RNF38: variants seen among roughly 807,000 people sequenced by gnomAD.
RNF38 encodes the protein E3 ubiquitin-protein ligase RNF38.
A neutral mutation model predicts 67.2 loss-of-function variants in RNF38; 15 were observed. The ratio of observed to expected loss-of-function variants is 0.22; its 90% CI spans 0.15 to 0.34. The LOEUF is 0.34. Ranked by LOEUF, RNF38 falls within the 10% of genes least tolerant of loss-of-function variation. RNF38 has a pLI of 1.00. For synonymous variants in RNF38, 220 were observed against 218.8 expected, an observed-to-expected ratio of 1.01 and a Z score of -0.05; for missense variants, 524 against 639.9, an observed-to-expected ratio of 0.82 and a Z score of 1.95.
chr9:36,441,797 C>CA (rs1446706561), intron 1 of RNF38, among the ~76,000 whole-genome samples: 6 of 152,152 alleles, frequency 3.9e-5, no homozygotes, highest in Non-Finnish European at 8.8e-5. Context: ...TATGACACCT[C>CA]AAGTCCATCT....
chr9:36,346,582 T>C (rs1833257129), intron 9 of RNF38, among the ~76,000 whole-genome samples: 2 of 152,204 alleles, frequency 1.3e-5, no homozygotes, highest in African/African-American at 4.8e-5. Flanking sequence ...GTCTGCCTTT[T>C]GTGGACTGCT....
At chr9:36,340,722 G>A (rs1414772007) in intron 11 of RNF38, among the ~76,000 whole-genome samples, 1 of 152,180 alleles carries the variant, frequency 6.6e-6, no homozygotes, top group Non-Finnish European at 1.5e-5. Context: ...TAGTGGTACC[G>A]AGGAAAGCTT....
At chr9:36,459,512 T>A (rs1028805040) in intron 1 of RNF38, among the ~76,000 whole-genome samples, 1 of 152,210 alleles carries the variant, frequency 6.6e-6, no homozygotes, top group African/African-American at 2.4e-5. Flanking sequence ...ATAAATCCAT[T>A]ATCACAATTT....
intron 2 of RNF38, among the ~76,000 whole-genome samples, chr9:36,387,869 A>G (rs1836762604): frequency 6.6e-6 from 1 of 152,086 alleles, no homozygotes; most frequent in South Asian, 2.1e-4. Flanking sequence ...TAATAGCATT[A>G]AAAAACAAAA....
intron 1 of RNF38, among the ~76,000 whole-genome samples, chr9:36,472,456 G>A (rs1003931047): frequency 7.2e-5 from 11 of 152,166 alleles, no homozygotes; most frequent in African/African-American, 2.2e-4. Flanking sequence ...TTTCATGTGT[G>A]GTCCAAGACA....
intron 2 of RNF38, 111 bp from the exon 3 acceptor site, chr9:36,376,238 C>G: frequency 1.3e-6 from 1 of 794,834 alleles, no homozygotes; most frequent in Admixed American, 3.6e-5. Context: ...AAATGTAAAG[C>G]GGGGAAAAAA....
chr9:36,390,619 GGGAAAAAGA>G lies in RNF38; in HGVS notation c.13-12_13-4del. Reference sequence around the variant, plus strand: ...GCTGAATTGGCCCCGGGAGATATCTGGGAAAAAGAGGAAGAAAAGGATAGTTCATGGCTA... The same window carrying G: ...GCTGAATTGGCCCCGGGAGATATCTGGGAAGAAAAGGATAGTTCATGGCTA... On this transcript the variant is annotated splice_polypyrimidine_tract_variant and splice_region_variant and intron_variant, in intron 1 of 11. Coordinates refer to ENST00000259605, the MANE Select transcript of RNF38 (RefSeq NM_022781.5). 6.2e-7 allele frequency: 1 copy of G among 1,613,374 alleles called. No individual in the cohort carries two copies. The highest frequency in any genetic ancestry group is 8.5e-7 in the Non-Finnish European group (1 of 1,179,672).
intron 1 of RNF38, among the ~76,000 whole-genome samples, chr9:36,479,133 G>A (rs1840190239): frequency 6.6e-6 from 1 of 152,152 alleles, no homozygotes; most frequent in Non-Finnish European, 1.5e-5. Context: ...ACTGTCTCCA[G>A]ATGATTTTTA....
intron 1 of RNF38, among the ~76,000 whole-genome samples, chr9:36,441,919 T>A (rs967778253): frequency 1.3e-5 from 2 of 152,234 alleles, no homozygotes; most frequent in African/African-American, 4.8e-5. Context: ...ACTTCCAAAC[T>A]GATTTACAGT....
chr9:36,419,723 T>C (rs138728935), intron 2 of RNF38, among the ~76,000 whole-genome samples: 67 of 152,194 alleles, frequency 4.4e-4, no homozygotes, highest in African/African-American at 1.4e-3. Flanking sequence ...TTGGGAAGGC[T>C]GAGGTGGGAG....
chr9:36,346,049 ATTTT>A (rs1833207558), intron 9 of RNF38, among the ~76,000 whole-genome samples: 1 of 152,202 alleles, frequency 6.6e-6, no homozygotes, highest in South Asian at 2.1e-4. Context: ...TAATATTCTT[ATTTT>A]ATCATTCTTC....
intron 11 of RNF38, among the ~76,000 whole-genome samples, chr9:36,341,755 C>T (rs1832848172): frequency 6.6e-6 from 1 of 151,320 alleles, no homozygotes; most frequent in South Asian, 2.1e-4. Context: ...TGTACCGCTG[C>T]ACTCCAGACT....
At chr9:36,374,547 T>G (rs1243581537) in intron 3 of RNF38, among the ~76,000 whole-genome samples, 1 of 152,180 alleles carries the variant, frequency 6.6e-6, no homozygotes, top group Non-Finnish European at 1.5e-5. Context: ...CGGTCTTGGC[T>G]CACTGCAACC....
At chr9:36,374,776 C>T (rs571645805) in intron 3 of RNF38, among the ~76,000 whole-genome samples, 9 of 152,322 alleles carry the variant, frequency 5.9e-5, no homozygotes, top group Admixed American at 2.0e-4. Flanking sequence ...GCCACCCCGG[C>T]GCATTGCTTC....
At chr9:36,387,894 A>G (rs1300932645) in intron 2 of RNF38, among the ~76,000 whole-genome samples, 1 of 152,138 alleles carries the variant, frequency 6.6e-6, no homozygotes, top group Non-Finnish European at 1.5e-5. Context: ...AACAAAACAA[A>G]AAAAACAGGA....
At chr9:36,358,006 T>A in intron 4 of RNF38, 64 bp from the exon 5 acceptor site, 1 of 1,406,116 alleles carries the variant, frequency 7.1e-7, no homozygotes, top group Admixed American at 1.8e-5. Context: ...CTATTCAAAA[T>A]CAACATTTGG....
intron 2 of RNF38, among the ~76,000 whole-genome samples, chr9:36,383,585 T>C (rs558279132): frequency 1.4e-4 from 21 of 152,326 alleles, no homozygotes; most frequent in African/African-American, 4.8e-4. Flanking sequence ...TCATTTCACA[T>C]AGGACTTTCA....
At chr9:36,367,713 C>T (rs563683564) in intron 4 of RNF38, among the ~76,000 whole-genome samples, 2 of 152,068 alleles carry the variant, frequency 1.3e-5, no homozygotes, top group South Asian at 4.1e-4. Context: ...CAACAGCTTT[C>T]TTTTGTTGTA....
intron 4 of RNF38, among the ~76,000 whole-genome samples, chr9:36,369,439 A>ATGCCTAAGCTCAAGTGATGTGCC (rs771410618): frequency 3.2e-4 from 48 of 152,192 alleles, no homozygotes; most frequent in Non-Finnish European, 6.3e-4. Flanking sequence ...CTTGTCTCGA[A>ATGCCTAAGCTCAAGTGATGTGCC]TGCCTAAGCT....
Sources: gnomAD v4.1 joint callset for allele counts (sites outside exome capture counted in the v4.1 genomes callset) on GRCh38, gnomAD v4.1.1 for gene constraint, MANE v1.5 for transcripts, NCBI Gene and HGNC (gene_info 2026-07-23, HGNC 2026-07-21) for gene names.